PCNA: variants seen among roughly 807,000 people sequenced by gnomAD.
PCNA encodes the protein proliferating cell nuclear antigen.
PCNA carries 4 observed loss-of-function variants against 27.8 expected under a neutral mutation model. That is an observed-to-expected ratio of 0.14 (90% CI 0.07 to 0.33). The LOEUF is 0.33. PCNA is among the 10% of genes least tolerant of loss of function. The pLI is 1.00. For synonymous variants in PCNA, 121 were observed against 119.4 expected (o/e 1.01, Z -0.09); for missense variants, 165 against 327.4 (o/e 0.50, Z 3.83).
At chr20:5,120,138 G>A (rs36228618), upstream of PCNA, 8 of 301,758 alleles carry the variant, frequency 2.7e-5, no homozygotes, top group African/African-American at 1.1e-4. Flanking sequence ...GCGTCGCGCA[G>A]GTCTCCCCGC....
Position 5,119,643 on chromosome 20 carries a change from C to A in PCNA, c.156G>T (p.Leu52=). ...GGTAGGTGTCGAAGCCCTCAGACCG[C>A]AGGGTGAGCTGCACCAAAGAGACGT... is the stretch of plus-strand genomic sequence containing the variant. ...SSHVSLVQLT[L]RSEGFDTYRC... Residue 52 remains leucine (L), a synonymous_variant, in exon 1 of 6, where the codon CTG becomes CTT. Coordinates refer to ENST00000379143, the MANE Select transcript of PCNA (RefSeq NM_182649.2). 1 of 1,613,796 alleles carries A rather than the reference C, an allele frequency of 6.2e-7. No individual in the cohort carries two copies.
Position 5,115,373 on chromosome 20 carries a change from G to C in PCNA, c.707-11C>G. The C allele has an allele frequency of 6.2e-7, 1 of 1,613,674 alleles. No individual in the cohort carries two copies. Among genetic ancestry groups the C allele is most frequent in the Middle Eastern group, 1.7e-4 (1 of 6,056 alleles). On this transcript the variant is annotated splice_polypyrimidine_tract_variant and intron_variant, in intron 5 of 5. Coordinates refer to ENST00000379143, the MANE Select transcript of PCNA (RefSeq NM_182649.2). ...TTTTATACTCTACAACTGAAAGACA[G>C]GAAGATGGTTAATTACTGAGGAGTA...
In PCNA at chr20:5,115,492, G is replaced by C. The variant is rs1339764824; in HGVS notation, c.663C>G (p.Leu221=). The C allele has an allele frequency of 6.8e-6, 11 of 1,613,838 alleles. No homozygotes were observed. Among genetic ancestry groups the C allele is most frequent in the Admixed American group, 1.7e-5 (1 of 60,010 alleles). ...ACATACTGAGTGTCACCGTTGAAGA[G>C]AGTGGAGTGGCTTTTGTAAAGAAGT... ...YLNFFTKATP[L]SSTVTLSMSA... Residue 221 remains leucine (L), a synonymous_variant, in exon 5 of 6, where the codon CTC becomes CTG. Coordinates refer to ENST00000379143, the MANE Select transcript of PCNA (RefSeq NM_182649.2).
chr20:5,119,649 G>C lies in PCNA; in HGVS notation c.150C>G (p.Leu50=). ...MDSSHVSLVQ[L]TLRSEGFDTY... ...TGTCGAAGCCCTCAGACCGCAGGGT[G>C]AGCTGCACCAAAGAGACGTGGGACG... Residue 50 remains leucine, a synonymous_variant, in exon 1 of 6, where the codon CTC becomes CTG. Transcript: ENST00000379143. 6.2e-7 allele frequency: 1 copy of C among 1,613,750 alleles called. No individual in the cohort carries two copies. Among genetic ancestry groups the C allele is most frequent in the South Asian group, 1.1e-5 (1 of 90,964 alleles).
At chr20:5,117,708 T>C in intron 3 of PCNA, 44 bp from the exon 4 acceptor site, 2 of 1,281,444 alleles carry the variant, frequency 1.6e-6, no homozygotes, top group Non-Finnish European at 2.2e-6. Flanking sequence ...GTTAGAAATT[T>C]AATGATTTGG....
chr20:5,116,509 T>C (rs2090476465), intron 4 of PCNA, among the ~76,000 whole-genome samples: 1 of 152,192 alleles, frequency 6.6e-6, no homozygotes, highest in African/African-American at 2.4e-5. Flanking sequence ...GAGAGCAATA[T>C]ATAGTATTTA....
intron 1 of PCNA, among the ~76,000 whole-genome samples, chr20:5,126,107 A>G (rs562585939): frequency 4.9e-4 from 75 of 152,246 alleles, no homozygotes; most frequent in Non-Finnish European, 7.9e-4. Flanking sequence ...GGTGGCGCGC[A>G]CCTTGGAATT....
intron 4 of PCNA, among the ~76,000 whole-genome samples, chr20:5,117,047 C>T (rs972724953): frequency 1.3e-5 from 2 of 152,152 alleles, no homozygotes; most frequent in Non-Finnish European, 2.9e-5. Context: ...CAATTGGACC[C>T]ACAACATGTA....
intron 4 of PCNA, among the ~76,000 whole-genome samples, chr20:5,116,684 GCT>G (rs537410484): frequency 3.8e-4 from 58 of 152,182 alleles, no homozygotes; most frequent in African/African-American, 1.4e-3. Flanking sequence ...ATGGAATCTT[GCT>G]CTGTCACCCA....
In PCNA at chr20:5,117,675, C is replaced by T. The variant is rs762551415; in HGVS notation, c.388-11G>A. ...GCTGTACTCCTGTTCCTATTAAGAA[C>T]AAAAATTTTCCAAAAGTTAATTGTT... On this transcript the variant is annotated splice_polypyrimidine_tract_variant and intron_variant, in intron 3 of 5. Transcript: ENST00000379143. 3.3e-6 allele frequency: 5 copies of T among 1,513,306 alleles called. No individual in the cohort carries two copies. The highest frequency in any genetic ancestry group is 4.4e-6 in the Non-Finnish European group (5 of 1,129,062). 93.7% of individuals were successfully genotyped at this position (1,513,306 alleles called of 1,614,324 possible). A position where few individuals can be genotyped will look rare whatever the true frequency, so the allele number is the denominator to read the frequency against.
chr20:5,119,516 TCCCGCCAAGCACCGG>T, intron 1 of PCNA, 47 bp downstream of exon 1: 2 of 1,395,404 alleles, frequency 1.4e-6, no homozygotes, highest in South Asian at 2.5e-5. Context: ...TCGAAAGCGC[TCCCGCCAAGCACCGG>T]AGGTGCAGGC....
At chr20:5,120,037 G>C, upstream of PCNA, 2 of 547,890 alleles carry the variant, frequency 3.7e-6, no homozygotes, top group Non-Finnish European at 6.6e-6. Context: ...ACGGCCTTGC[G>C]GGGAAGACTT....
upstream of PCNA, chr20:5,120,160 C>T (rs1424602372): frequency 3.8e-6 from 1 of 263,562 alleles, no homozygotes; most frequent in African/African-American, 2.2e-5. Context: ...TCTTTGACTC[C>T]TGAACCCGGC....
At position 5,115,269 on chromosome 20, in the gene PCNA, A is replaced by G; in HGVS notation, c.*14T>C. ...CAAAGAGCTTAGTTTTATTTTCTTG[A>G]ATTTTAAGAATGCCTAAGATCCTTC... On this transcript the variant is annotated 3_prime_UTR_variant, in exon 6 of 6. Transcript: ENST00000379143. 6.2e-7 allele frequency: 1 copy of G among 1,604,896 alleles called. No homozygotes were observed. The highest frequency in any genetic ancestry group is 8.5e-7 in the Non-Finnish European group (1 of 1,172,278).
chr20:5,125,294 G>A (rs1341148854), intron 1 of PCNA, among the ~76,000 whole-genome samples: 1 of 151,994 alleles, frequency 6.6e-6, no homozygotes, highest in African/African-American at 2.4e-5. Flanking sequence ...CTCACTACCT[G>A]CCCCAAAACT....
chr20:5,122,233 T>C (rs1306555550), upstream of PCNA, among the ~76,000 whole-genome samples: 2 of 152,078 alleles, frequency 1.3e-5, no homozygotes, highest in Non-Finnish European at 2.9e-5. Flanking sequence ...CTGCCTGCCT[T>C]GGCCTCCCAA....
In PCNA at chr20:5,117,462, C is replaced by T. The variant is rs2090483225; in HGVS notation, c.582+8G>A. ...AAACTATTTTCTTTTTACTTAAAAACTACTTACAGCTTCCTCCTCTTTATC... is the reference window on the plus strand; with the variant it reads ...AAACTATTTTCTTTTTACTTAAAAATTACTTACAGCTTCCTCCTCTTTATC... On this transcript the variant is annotated splice_region_variant and intron_variant, in intron 4 of 5. Transcript: ENST00000379143. 6.3e-7 allele frequency: 1 copy of T among 1,592,012 alleles called. No individual in the cohort carries two copies. The highest frequency in any genetic ancestry group is 1.7e-5 in the Admixed American group (1 of 57,328).
At chr20:5,125,884 A>G (rs2090544502) in intron 1 of PCNA, among the ~76,000 whole-genome samples, 1 of 152,230 alleles carries the variant, frequency 6.6e-6, no homozygotes, top group Non-Finnish European at 1.5e-5. Context: ...TAAACAAAGT[A>G]GACAGCACTT....
At chr20:5,125,527 T>A (rs575806792) in intron 1 of PCNA, among the ~76,000 whole-genome samples, 67 of 152,248 alleles carry the variant, frequency 4.4e-4, no homozygotes, top group African/African-American at 1.5e-3. Flanking sequence ...TATATTTTTT[T>A]AAAAAACGAA....
Sources: allele counts gnomAD v4.1 joint callset (sites outside exome capture counted in the v4.1 genomes callset), GRCh38; gene constraint gnomAD v4.1.1; transcripts MANE v1.5; gene names NCBI Gene and HGNC (gene_info 2026-07-23, HGNC 2026-07-21).